LRRTM4: variants seen among roughly 807,000 people sequenced by gnomAD.
LRRTM4 encodes the protein leucine rich repeat transmembrane neuronal 4.
In LRRTM4, 25 loss-of-function variants were observed where a neutral mutation model predicts 47.6. The ratio of observed to expected loss-of-function variants is 0.53; its 90% confidence interval spans 0.38 to 0.73. The LOEUF is 0.73. Among genes scored for constraint, LRRTM4 ranks in the 30% least tolerant of loss-of-function variants. The pLI, the probability that LRRTM4 is intolerant of heterozygous loss-of-function variation, is 0.00. For missense variants in LRRTM4, 638 were observed against 713.4 expected (o/e 0.89, Z 1.20); for synonymous variants, 311 against 269.5 (o/e 1.15, Z -1.51).
chr2:77,460,076 C>T (rs187219088), intron 3 of LRRTM4, among the ~76,000 whole-genome samples: 1 of 152,148 alleles, frequency 6.6e-6, no homozygotes, highest in Admixed American at 6.6e-5. Flanking sequence ...GCATTCACCA[C>T]GGATACCCAG....
intron 3 of LRRTM4, among the ~76,000 whole-genome samples, chr2:77,039,596 G>A (rs980244808): frequency 2.0e-5 from 3 of 150,998 alleles, no homozygotes; most frequent in African/African-American, 7.3e-5. Context: ...CATTTGTTAG[G>A]AAATTATCTT....
intron 3 of LRRTM4, among the ~76,000 whole-genome samples, chr2:76,898,870 T>C (rs981258264): frequency 1.3e-5 from 2 of 151,696 alleles, no homozygotes; most frequent in African/African-American, 4.8e-5. Flanking sequence ...CTTTTAATTT[T>C]TACATACGTT....
intron 3 of LRRTM4, among the ~76,000 whole-genome samples, chr2:77,154,123 C>T (rs1012389532): frequency 1.6e-4 from 24 of 152,112 alleles, no homozygotes; most frequent in African/African-American, 4.3e-4. Context: ...ATTGGCTTTG[C>T]GGATGCTTGA....
At chr2:77,385,830 C>T (rs542279693) in intron 3 of LRRTM4, among the ~76,000 whole-genome samples, 1 of 149,398 alleles carries the variant, frequency 6.7e-6, no homozygotes, top group African/African-American at 2.5e-5. Context: ...TCGGTGTAAC[C>T]TCCGCATCCT....
intron 3 of LRRTM4, among the ~76,000 whole-genome samples, chr2:77,223,222 G>A (rs1479991768): frequency 6.6e-6 from 1 of 152,080 alleles, no homozygotes; most frequent in Non-Finnish European, 1.5e-5. Context: ...AAATATAAGA[G>A]TTATCTATGA....
chr2:77,167,325 G>A (rs1204613830), intron 3 of LRRTM4, among the ~76,000 whole-genome samples: 1 of 152,168 alleles, frequency 6.6e-6, no homozygotes, highest in East Asian at 1.9e-4. Context: ...ACGATATGGA[G>A]AAATGGGAAC....
intron 3 of LRRTM4, among the ~76,000 whole-genome samples, chr2:77,060,092 T>C (rs527709367): frequency 1.5e-4 from 23 of 152,322 alleles, no homozygotes; most frequent in Non-Finnish European, 2.5e-4. Context: ...TTCATAAACA[T>C]TTGCAAACTA....
chr2:77,124,513 A>G (rs1441328758), intron 3 of LRRTM4, among the ~76,000 whole-genome samples: 1 of 152,062 alleles, frequency 6.6e-6, no homozygotes, highest in African/African-American at 2.4e-5. Context: ...CAATGAGCCA[A>G]TTTTTGTGCT....
intron 3 of LRRTM4, among the ~76,000 whole-genome samples, chr2:77,072,823 A>AAAAAG (rs1680204705): frequency 6.6e-6 from 1 of 150,752 alleles, no homozygotes. Flanking sequence ...AAAAAAAAAA[A>AAAAAG]CAAAGGCTGC....
rs1182643957 is a variant in LRRTM4 at position 77,259,455 on chromosome 2, GCTAT to G, written c.1551+258859_1551+258862del. 8.5e-5 allele frequency among the ~76,000 whole-genome samples: 13 copies of G among 152,082 alleles called. No individual in the cohort carries two copies. In the East Asian group the frequency reaches 1.5e-3, roughly 18 times the overall value. ...AATTCATTCAACAGCATTTTTGAGGGCTATCTATGTTTCAAGGACTATGTATCAC... is the reference window on the plus strand; with the variant it reads ...AATTCATTCAACAGCATTTTTGAGGGCTATGTTTCAAGGACTATGTATCAC... On this transcript the variant is annotated intron_variant, in intron 3 of 3. Coordinates refer to ENST00000409884, the MANE Select transcript of LRRTM4 (RefSeq NM_001134745.3).
At chr2:77,500,332 G>C (rs1450190509) in intron 3 of LRRTM4, among the ~76,000 whole-genome samples, 4 of 151,336 alleles carry the variant, frequency 2.6e-5, no homozygotes, top group African/African-American at 9.7e-5. Flanking sequence ...GGTGTTCAGG[G>C]AATAATGGGA....
intron 3 of LRRTM4, among the ~76,000 whole-genome samples, chr2:76,794,428 A>G (rs1675148428): frequency 6.6e-6 from 1 of 152,194 alleles, no homozygotes; most frequent in South Asian, 2.1e-4. Context: ...TTTACCAGAT[A>G]TTCCAGCTAT....
At position 77,106,359 on chromosome 2, in the gene LRRTM4, A is replaced by G. The variant is rs535203986; in HGVS notation, c.1552-357443T>C. ...TCTACAGAATTTAGATTAGCATTTC[A>G]CACATAGTCCTTGTGGCACTTATTT... On this transcript the variant is annotated intron_variant, in intron 3 of 3. Transcript: ENST00000409884. Among the ~76,000 whole-genome samples the G allele has an allele frequency of 3.9e-5, 6 of 152,302 alleles. No homozygotes were observed. In the South Asian group the frequency reaches 1.2e-3, roughly 32 times the overall value.
At chr2:77,089,702 T>C (rs983817552) in intron 3 of LRRTM4, among the ~76,000 whole-genome samples, 1 of 151,732 alleles carries the variant, frequency 6.6e-6, no homozygotes, top group Non-Finnish European at 1.5e-5. Context: ...TTAAAACCTC[T>C]TCAACTCACA....
intron 3 of LRRTM4, among the ~76,000 whole-genome samples, chr2:77,295,367 C>A (rs1410209206): frequency 6.6e-6 from 1 of 151,908 alleles, no homozygotes; most frequent in Non-Finnish European, 1.5e-5. Context: ...TATATTTTTC[C>A]CTTAAATTAA....
rs139797993 is a variant in LRRTM4 at position 77,394,291 on chromosome 2, A to T, written c.1551+124027T>A. ...TTTTAATGCAGGAAAAGAAATAATC[A>T]TTATAGCATTAGTGACAATCAATTT... On this transcript the variant is annotated intron_variant, in intron 3 of 3. Transcript: ENST00000409884. Among the ~76,000 whole-genome samples, 860 of 152,138 alleles carry T rather than the reference A, an allele frequency of 5.7e-3. 8 individuals are homozygous for T. The highest frequency in any genetic ancestry group is 0.02 in the African/African-American group (828 of 41,540).
At chr2:77,086,476 ATTTTTTTT>A (rs762359320) in intron 3 of LRRTM4, among the ~76,000 whole-genome samples, 3 of 131,156 alleles carry the variant, frequency 2.3e-5, no homozygotes, top group South Asian at 2.5e-4. Flanking sequence ...ACATATAATA[ATTTTTTTT>A]TTTTTTTTTT....
At chr2:77,313,585 G>A (rs956763638) in intron 3 of LRRTM4, among the ~76,000 whole-genome samples, 1 of 152,076 alleles carries the variant, frequency 6.6e-6, no homozygotes, top group Non-Finnish European at 1.5e-5. Flanking sequence ...GCACCCCTGA[G>A]CACCCTTCCT....
At chr2:77,336,986 T>C (rs1286026976) in intron 3 of LRRTM4, among the ~76,000 whole-genome samples, 1 of 152,048 alleles carries the variant, frequency 6.6e-6, no homozygotes, top group Non-Finnish European at 1.5e-5. Context: ...TCTGACAAAA[T>C]GCTTTTAGAC....
Sources: gnomAD v4.1 joint callset for allele counts (sites outside exome capture counted in the v4.1 genomes callset) on GRCh38, gnomAD v4.1.1 for gene constraint, MANE v1.5 for transcripts, NCBI Gene and HGNC (gene_info 2026-07-23, HGNC 2026-07-21) for gene names.